BATF3: variants seen among roughly 807,000 people sequenced by gnomAD.
The protein encoded by BATF3 is basic leucine zipper ATF-like transcription factor 3.
A neutral mutation model predicts 16.1 loss-of-function variants in BATF3; 8 were observed. That is an observed-to-expected ratio of 0.50 (90% CI 0.29 to 0.90). The LOEUF (loss-of-function observed/expected upper bound fraction) is 0.90. Ranked by LOEUF, BATF3 falls within the 40% of genes least tolerant of loss-of-function variation. The probability of loss-of-function intolerance (pLI) is 0.08; values close to 1 mark genes in which losing one functional copy is unlikely to be tolerated. For synonymous variants in BATF3, 74 were observed against 72.7 expected (o/e 1.02, Z -0.09); for missense variants, 139 against 167.0 (o/e 0.83, Z 0.92).
At position 212,686,807 on chromosome 1, in the gene BATF3, C is replaced by A; in HGVS notation, c.368G>T (p.Gly123Val). 6.2e-7 allele frequency: 1 copy of A among 1,612,186 alleles called. No homozygotes were observed. The highest frequency in any genetic ancestry group is 1.1e-5 in the South Asian group (1 of 91,070). ...TCCCCGGCTTCATCGGGGCAAGCAG[C>A]CGGCCACAGGGTCCGGCCGGGGAGG... ...PVPPRPDPVAGCLPR is the reference protein window; with the variant it reads ...PVPPRPDPVAVCLPR Residue 123 changes from glycine to valine, a missense_variant, in exon 3 of 3, where the codon GGC (glycine) becomes GTC (valine). By Grantham distance (109) the Gly-to-Val change is moderately radical. Transcript: ENST00000243440.
Position 212,699,570 on chromosome 1 carries a change from C to A in BATF3, c.90+103G>T, listed in dbSNP as rs183497386. 2 of 968,208 alleles carry A rather than the reference C, an allele frequency of 2.1e-6. No individual in the cohort carries two copies. The allele number at this position is 968,208 out of a possible 1,614,324, so 60.0% of individuals were successfully genotyped here. The stretch of plus-strand genomic sequence containing the variant: ...TCCGGCCGCACCCGCCACCTCTGCA[C>A]CTCCGCAGTCACCACCACGGAACTC... On this transcript the variant is annotated intron_variant, in intron 1 of 2. Transcript: ENST00000243440. This position sits in a 1 kb window ranked among gnomAD's most constrained non-coding sequence, Gnocchi z 4.4.
chr1:212,690,553 G>A (rs1656977950), intron 2 of BATF3, among the ~76,000 whole-genome samples: 2 of 152,208 alleles, frequency 1.3e-5, no homozygotes, highest in African/African-American at 4.8e-5. Context: ...GGAGCTGGGA[G>A]GGAAGAAAGA....
At chr1:212,687,066 A>G (rs1571831309) in intron 2 of BATF3, 87 bp from the exon 3 acceptor site, 4 of 842,610 alleles carry the variant, frequency 4.7e-6, no homozygotes, top group East Asian at 4.9e-5. Flanking sequence ...CCTCTTGCCC[A>G]TGAAAGCTGT....
chr1:212,696,858 AGT>A, intron 2 of BATF3, 101 bp downstream of exon 2: 6 of 829,684 alleles, frequency 7.2e-6, no homozygotes, highest in Non-Finnish European at 1.2e-5. Context: ...ATTAGATATG[AGT>A]GTTGCTGAAA....
rs1657159433 is a variant in BATF3, at chr1:212,697,471, T to TGGGGGAG, written c.91-407_91-406insCTCCCCC. On this transcript the variant is annotated intron_variant, in intron 1 of 2. Transcript: ENST00000243440. The stretch of plus-strand genomic sequence containing the variant: ...GTCCATCTGAGACTGGAAAGCTGGG[T>TGGGGGAG]GGGGGTGGGGGGCGGTGGAGAGATC... 3.4e-4 allele frequency: 10 copies of TGGGGGAG among 29,392 alleles called. No homozygotes were observed. The South Asian group carries it at 0.012, about 36-fold the overall frequency. The allele number at this position is 29,392 out of a possible 1,614,324, so 1.8% of individuals were successfully genotyped here. A position where few individuals can be genotyped will look rare whatever the true frequency, so the allele number is the denominator to read the frequency against.
At chr1:212,692,585 A>G (rs1657027843) in intron 2 of BATF3, among the ~76,000 whole-genome samples, 1 of 152,094 alleles carries the variant, frequency 6.6e-6, no homozygotes, top group African/African-American at 2.4e-5. Flanking sequence ...CTACAGGCGC[A>G]CGCCACCACA....
chr1:212,687,060 T>C (rs959195042), intron 2 of BATF3, 81 bp from the exon 3 acceptor site: 20 of 898,142 alleles, frequency 2.2e-5, no homozygotes, highest in East Asian at 4.9e-5. Flanking sequence ...TGTTCACCTC[T>C]TGCCCATGAA....
intron 2 of BATF3, among the ~76,000 whole-genome samples, chr1:212,691,143 A>C (rs1440748574): frequency 6.6e-6 from 1 of 152,168 alleles, no homozygotes; most frequent in East Asian, 1.9e-4. Flanking sequence ...GCCTAGGGAT[A>C]CGCAGGGTCC....
At chr1:212,690,140 T>C (rs544347489) in intron 2 of BATF3, among the ~76,000 whole-genome samples, 1 of 152,260 alleles carries the variant, frequency 6.6e-6, no homozygotes, top group South Asian at 2.1e-4. Flanking sequence ...AAATGGAGAG[T>C]ACATTTGAAT....
chr1:212,688,176 C>T (rs150887753), intron 2 of BATF3, among the ~76,000 whole-genome samples: 15 of 152,206 alleles, frequency 9.9e-5, no homozygotes, highest in African/African-American at 3.6e-4. Flanking sequence ...AGATCCAATG[C>T]TTTTTTCAAT....
At chr1:212,693,836 T>G (rs1657061810) in intron 2 of BATF3, among the ~76,000 whole-genome samples, 1 of 152,168 alleles carries the variant, frequency 6.6e-6, no homozygotes, top group Non-Finnish European at 1.5e-5. Context: ...TCCGTGAGTA[T>G]TTACATTTAC....
chr1:212,689,147 C>G lies in BATF3; in HGVS notation c.196-2168G>C, dbSNP rs1656933914. ...ATTTCACTCATATGAAGTAATGTCT[C>G]CCCCCAAAGATCAGAAATGTAAAGG... On this transcript the variant is annotated intron_variant, in intron 2 of 2. Transcript: ENST00000243440. This position sits in a 1 kb window ranked among gnomAD's most constrained non-coding sequence, Gnocchi z 4.6. 6.6e-6 allele frequency among the ~76,000 whole-genome samples: 1 copy of G among 152,108 alleles called. No homozygotes were observed. Among genetic ancestry groups the G allele is most frequent in the South Asian group, 2.1e-4 (1 of 4,816 alleles).
chr1:212,694,673 C>T (rs1235566592), intron 2 of BATF3, among the ~76,000 whole-genome samples: 1 of 152,236 alleles, frequency 6.6e-6, no homozygotes, highest in African/African-American at 2.4e-5. Flanking sequence ...CTGGGAGCCA[C>T]AGGTCCCCTC....
intron 2 of BATF3, among the ~76,000 whole-genome samples, chr1:212,694,430 C>T (rs542770874): frequency 3.3e-5 from 5 of 151,948 alleles, no homozygotes; most frequent in African/African-American, 1.2e-4. Context: ...TCTTTGTGAC[C>T]CAATGGCAAT....
intron 2 of BATF3, among the ~76,000 whole-genome samples, chr1:212,688,731 A>C (rs1352796927): frequency 1.3e-5 from 2 of 152,254 alleles, no homozygotes; most frequent in Non-Finnish European, 2.9e-5. Context: ...ACGGCATGCC[A>C]ATAGAGACCC....
intron 2 of BATF3, among the ~76,000 whole-genome samples, chr1:212,690,757 G>A (rs1365468061): frequency 6.6e-6 from 1 of 152,194 alleles, no homozygotes; most frequent in African/African-American, 2.4e-5. Context: ...AGGGTTTGAG[G>A]TTGCTGTGCT....
rs542770874 is a variant in BATF3 at position 212,694,430 on chromosome 1, C to A, written c.195+2531G>T. 7.9e-5 allele frequency among the ~76,000 whole-genome samples: 12 copies of A among 152,066 alleles called. No homozygotes were observed. The East Asian group carries it at 1.4e-3, about 17-fold the overall frequency. On this transcript the variant is annotated intron_variant, in intron 2 of 2. Coordinates refer to ENST00000243440, the MANE Select transcript of BATF3 (RefSeq NM_018664.3). ...GAGATCTTCCTCCTCTCTTTGTGAC[C>A]CAATGGCAATGCCTTGGTATTTGTG...
chr1:212,688,911 A>G (rs1656927686), intron 2 of BATF3, among the ~76,000 whole-genome samples: 1 of 152,188 alleles, frequency 6.6e-6, no homozygotes. Flanking sequence ...GAGTATCACT[A>G]AAGAAATGTG....
Position 212,686,839 on chromosome 1 carries a change from C to T in BATF3, c.336G>A (p.Val112=). ...CAGGGTCCGGCCGGGGAGGCACTGG[C>T]ACAAAGTTCATAGGGCAGAGCAGCA... is the stretch of plus-strand genomic sequence containing the variant. ...CPLLLCPMNF[V]PVPPRPDPVA... The change falls in exon 3 of 3, where the codon GTG becomes GTA. Residue 112 remains valine, a synonymous_variant. Transcript: ENST00000243440. 6.2e-7 allele frequency: 1 copy of T among 1,614,080 alleles called. No individual in the cohort carries two copies. The highest frequency in any genetic ancestry group is 1.3e-5 in the African/African-American group (1 of 75,050).
Sources: gnomAD v4.1 joint callset for allele counts (sites outside exome capture counted in the v4.1 genomes callset) on GRCh38, gnomAD v4.1.1 for gene constraint, Gnocchi (gnomAD v3.1) non-coding constraint, MANE v1.5 for transcripts, NCBI Gene and HGNC (gene_info 2026-07-23, HGNC 2026-07-21) for gene names.